Variants in AR observed in about 807,000 individuals in gnomAD.
AR encodes dihydrotestosterone receptor.
A neutral mutation model predicts 53.9 loss-of-function variants in AR; 8 were observed. The ratio of observed to expected loss-of-function variants is 0.15; its 90% CI spans 0.09 to 0.27. AR has a LOEUF of 0.27. Ranked by LOEUF, AR falls within the 10% of genes least tolerant of loss-of-function variation. The pLI is 1.00. For missense variants in AR, 639 were observed against 742.5 expected, an observed-to-expected ratio of 0.86 and a Z score of 1.62; for synonymous variants, 359 against 316.4, an observed-to-expected ratio of 1.13 and a Z score of -1.43.
At position 67,588,202 on chromosome X, in the gene AR, A is replaced by G. The variant is rs140614916; in HGVS notation, c.1616+41440A>G. On this transcript the variant is annotated intron_variant, in intron 1 of 7. Coordinates refer to ENST00000374690, the MANE Select transcript of AR (RefSeq NM_000044.6). ...AGCCCATGTGTGTGTCATGCATTGT[A>G]CTGCTTCTTGTACCCAAATCCATCT... Among the ~76,000 whole-genome samples, 120 of 111,932 alleles carry G rather than the reference A, an allele frequency of 1.1e-3. 1 individual carries two copies. The East Asian group carries it at 0.033, about 30-fold the overall frequency.
chrX:67,669,009 T>G (rs901176714), intron 2 of AR, among the ~76,000 whole-genome samples: 4 of 111,744 alleles, frequency 3.6e-5, no homozygotes, highest in Non-Finnish European at 7.5e-5. Flanking sequence ...ACTTTTCATT[T>G]CACTGATCTT....
intron 2 of AR, among the ~76,000 whole-genome samples, chrX:67,676,484 T>C (rs755471698): frequency 8.9e-5 from 10 of 112,509 alleles, no homozygotes; most frequent in Non-Finnish European, 1.9e-4. Context: ...GAGACAATTA[T>C]TGTCTCCCAA....
intron 1 of AR, among the ~76,000 whole-genome samples, chrX:67,554,262 A>C (rs1193864640): frequency 4.5e-5 from 5 of 112,222 alleles, no homozygotes; most frequent in Non-Finnish European, 9.4e-5. Flanking sequence ...AAATGAAATC[A>C]CTAGCTATAT....
chrX:67,726,528 AAT>A lies in AR; in HGVS notation c.*2692_*2693del, dbSNP rs1308522953. 4 of 174,354 alleles carry A rather than the reference AAT, an allele frequency of 2.3e-5. No individual in the cohort carries two copies. The highest frequency in any genetic ancestry group is 1.2e-4 in the African/African-American group (4 of 34,018). 14.4% of individuals were successfully genotyped at this position (174,354 alleles called of 1,213,427 possible). A position where few individuals can be genotyped will look rare whatever the true frequency, so the allele number is the denominator to read the frequency against. ...CCCAATTGTGACTCTTGTCTTCATG[AAT>A]ATATGTTTTTCATTTGCAAAAGCCA... On this transcript the variant is annotated 3_prime_UTR_variant, in exon 8 of 8. Transcript: ENST00000374690.
intron 2 of AR, among the ~76,000 whole-genome samples, chrX:67,662,747 G>T (rs1484942069): frequency 9.0e-6 from 1 of 111,098 alleles, no homozygotes; most frequent in Non-Finnish European, 1.9e-5. Context: ...CATTATTATT[G>T]TGTGGGAGTC....
At chrX:67,649,983 C>G (rs1165226279) in intron 2 of AR, among the ~76,000 whole-genome samples, 1 of 111,615 alleles carries the variant, frequency 9.0e-6, no homozygotes, top group Non-Finnish European at 1.9e-5. Context: ...AATAAAATAC[C>G]TAGGAATACA....
At chrX:67,552,154 G>A (rs1012370465) in intron 1 of AR, among the ~76,000 whole-genome samples, 1 of 111,623 alleles carries the variant, frequency 9.0e-6, no homozygotes, top group African/African-American at 3.3e-5. Flanking sequence ...CACCCCCAAA[G>A]GAAACCCTAT....
chrX:67,644,344 C>T (rs769287959), intron 2 of AR, among the ~76,000 whole-genome samples: 26 of 111,720 alleles, frequency 2.3e-4, no homozygotes, highest in Non-Finnish European at 4.5e-4. Context: ...CCTTGTTAAA[C>T]ACCAGTATTC....
rs760106489 is a variant in AR at position 67,695,738 on chromosome X, AACACAC to A, written c.1885+9641_1885+9646del. The A allele has an allele frequency of 5.9e-5, 40 of 679,628 alleles. No individual in the cohort carries two copies. In the African/African-American group the frequency reaches 8.8e-4, roughly 15 times the overall value. The allele number at this position is 679,628 out of a possible 1,213,427, so 56.0% of individuals were successfully genotyped here. ...TTTCCCACCTTCTCCAGTCTGTCTAAACACACACACACACACACACACACACACACA... is the reference window on the plus strand; with the variant it reads ...TTTCCCACCTTCTCCAGTCTGTCTAAACACACACACACACACACACACACA... On this transcript the variant is annotated intron_variant, in intron 3 of 7. Coordinates refer to ENST00000374690, the MANE Select transcript of AR (RefSeq NM_000044.6).
chrX:67,638,928 T>G (rs942091569), intron 1 of AR, among the ~76,000 whole-genome samples: 1 of 112,039 alleles, frequency 8.9e-6, no homozygotes, highest in African/African-American at 3.2e-5. Context: ...TGGTATTGCC[T>G]AGGTTTTCTT....
At chrX:67,657,385 C>T (rs995452576) in intron 2 of AR, among the ~76,000 whole-genome samples, 2 of 110,937 alleles carry the variant, frequency 1.8e-5, no homozygotes, top group Non-Finnish European at 3.8e-5. Context: ...ACTCAAATGC[C>T]TCCTCCTCCA....
At chrX:67,603,117 T>C (rs894294460) in intron 1 of AR, among the ~76,000 whole-genome samples, 1 of 111,691 alleles carries the variant, frequency 9.0e-6, no homozygotes, top group African/African-American at 3.3e-5. Flanking sequence ...GAACATAAAT[T>C]GTCTCTAGGT....
chrX:67,649,465 G>A (rs1926226068), intron 2 of AR, among the ~76,000 whole-genome samples: 1 of 111,933 alleles, frequency 8.9e-6, no homozygotes, highest in Non-Finnish European at 1.9e-5. Context: ...CTTCCACAAT[G>A]GTTGAACTGA....
chrX:67,725,144 G>T lies in AR; in HGVS notation c.*1303G>T, dbSNP rs1003362640. ...TTCATCACACTGCATTTCAGCCATG[G>T]TCATCAAGCCTGTTTGCTTCTTTTG... is the stretch of plus-strand genomic sequence containing the variant. On this transcript the variant is annotated 3_prime_UTR_variant, in exon 8 of 8. Transcript: ENST00000374690. 5.7e-6 allele frequency: 1 copy of T among 174,159 alleles called. No homozygotes were observed. Among genetic ancestry groups the T allele is most frequent in the African/African-American group, 2.9e-5 (1 of 33,914 alleles). The allele number at this position is 174,159 out of a possible 1,213,427, so 14.4% of individuals were successfully genotyped here. A position where few individuals can be genotyped will look rare whatever the true frequency, so the allele number is the denominator to read the frequency against.
At chrX:67,609,794 G>T (rs1029665849) in intron 1 of AR, among the ~76,000 whole-genome samples, 1 of 111,348 alleles carries the variant, frequency 9.0e-6, no homozygotes, top group Non-Finnish European at 1.9e-5. Context: ...CGTATTCTCC[G>T]AAATGTTGGA....
intron 1 of AR, among the ~76,000 whole-genome samples, chrX:67,638,207 C>A (rs952255235): frequency 1.8e-5 from 2 of 111,964 alleles, no homozygotes; most frequent in African/African-American, 3.3e-5. Flanking sequence ...GCCACAATTT[C>A]TTTATCCAAT....
chrX:67,645,749 AAC>A (rs1003679463), intron 2 of AR, among the ~76,000 whole-genome samples: 2 of 110,166 alleles, frequency 1.8e-5, no homozygotes, highest in African/African-American at 6.6e-5. Context: ...CACGCACACA[AAC>A]ACACACCAGA....
At chrX:67,639,239 G>A (rs191393061) in intron 1 of AR, among the ~76,000 whole-genome samples, 3 of 112,103 alleles carry the variant, frequency 2.7e-5, no homozygotes, top group African/African-American at 9.7e-5. Flanking sequence ...ATAGTTTGAA[G>A]TCAGGTAGCA....
chrX:67,708,353 T>G (rs1208503069), intron 3 of AR, among the ~76,000 whole-genome samples: 1 of 111,669 alleles, frequency 9.0e-6, no homozygotes, highest in African/African-American at 3.3e-5. Flanking sequence ...TTTTACTCTT[T>G]TTTTCTCTAA....
Sources: gnomAD v4.1 joint callset for allele counts (sites outside exome capture counted in the v4.1 genomes callset) on GRCh38, gnomAD v4.1.1 for gene constraint, MANE v1.5 for transcripts, NCBI Gene and HGNC (gene_info 2026-07-23, HGNC 2026-07-21) for gene names.